Variants in TUBGCP6 observed in about 807,000 individuals in gnomAD.
TUBGCP6 encodes the protein gamma-tubulin complex component 6.
In TUBGCP6, 161 loss-of-function variants were observed where a neutral mutation model predicts 175.8. That is an observed-to-expected ratio of 0.92 (90% CI 0.81 to 1.04). TUBGCP6 has a LOEUF of 1.04. Among genes scored for constraint, TUBGCP6 ranks in the 50% least tolerant of loss-of-function variants. TUBGCP6 has a pLI of 0.00. For missense variants in TUBGCP6, 2,572 were observed against 2,433.0 expected (o/e 1.06, Z -1.20); for synonymous variants, 1,173 against 1,030.5 (o/e 1.14, Z -2.65).
Position 50,219,414 on chromosome 22 carries a change from C to G in TUBGCP6, c.4358G>C (p.Arg1453Pro), listed in dbSNP as rs780470323. Residue 1453 changes from arginine (R) to proline (P), a missense_variant, in exon 19 of 25, where the codon CGG (arginine) becomes CCG (proline). Arg to Pro is a moderately radical substitution (Grantham distance 103). Coordinates refer to ENST00000248846, the MANE Select transcript of TUBGCP6 (RefSeq NM_020461.4). ...IAHLLRPVLP[R>P]AFAFPVDPQV... ...GGGGTCCACGGGGAAGGCGAAGGCCCGGGGAAGCACGGGGCGCAAAAGATG... is the reference window on the plus strand; with the variant it reads ...GGGGTCCACGGGGAAGGCGAAGGCCGGGGGAAGCACGGGGCGCAAAAGATG... 1 of 1,567,958 alleles carries G rather than the reference C, an allele frequency of 6.4e-7. No homozygotes were observed. The highest frequency in any genetic ancestry group is 2.4e-5 in the East Asian group (1 of 42,488).
rs1569129484 is a variant in TUBGCP6 at position 50,243,788 on chromosome 22, A to AT, written c.671dup (p.Tyr224Ter). The AT allele has an allele frequency of 6.2e-7, 1 of 1,613,570 alleles. No homozygotes were observed. The highest frequency in any genetic ancestry group is 1.7e-5 in the Admixed American group (1 of 60,002). ...LFGALVHSRT[Y>*]DMDVRLGLPP... is the part of the protein sequence containing the mutation. ...GCAGGCCCAGTCGGACGTCCATGTC[A>AT]TAAGTGCGGCTGTGCACAAGGGCCC... Residue 224 changes from tyrosine (Y) to a stop codon, truncating the protein, a stop_gained and frameshift_variant, in exon 1 of 25, where the codon TAT (tyrosine) becomes TAAT (stop). Coordinates refer to ENST00000248846, the MANE Select transcript of TUBGCP6 (RefSeq NM_020461.4). LOFTEE classifies it high-confidence loss of function.
chr22:50,240,604 C>T (rs913487881), intron 1 of TUBGCP6, among the ~76,000 whole-genome samples: 1 of 152,218 alleles, frequency 6.6e-6, no homozygotes, highest in Non-Finnish European at 1.5e-5. Context: ...CTCAGTGGAA[C>T]TTAGAGTGAA....
At chr22:50,239,399 A>T (rs1431860652) in intron 2 of TUBGCP6, among the ~76,000 whole-genome samples, 2 of 152,130 alleles carry the variant, frequency 1.3e-5, no homozygotes. Flanking sequence ...CCAGTCTCAA[A>T]ATCCTGACTT....
chr22:50,242,318 AT>A (rs1231476237), intron 1 of TUBGCP6, among the ~76,000 whole-genome samples: 1 of 151,864 alleles, frequency 6.6e-6, no homozygotes, highest in African/African-American at 2.4e-5. Flanking sequence ...AAATAAAAAA[AT>A]AAAAATACAA....
chr22:50,244,964 T>C lies in TUBGCP6; in HGVS notation c.-505A>G. 4.5e-6 allele frequency: 1 copy of C among 220,644 alleles called. No individual in the cohort carries two copies. Among genetic ancestry groups the C allele is most frequent in the Non-Finnish European group, 9.1e-6 (1 of 109,806 alleles). 13.7% of individuals were successfully genotyped at this position (220,644 alleles called of 1,614,324 possible). ...CCACCCGTTCTCCAGGCCTCACCCGTGGAAAGTGCCCACGGCTGCCGCTCT... is the reference window on the plus strand; with the variant it reads ...CCACCCGTTCTCCAGGCCTCACCCGCGGAAAGTGCCCACGGCTGCCGCTCT... On this transcript the variant is annotated 5_prime_UTR_variant, in exon 1 of 25. Transcript: ENST00000248846.
intron 2 of TUBGCP6, among the ~76,000 whole-genome samples, chr22:50,234,270 C>G (rs2064732872): frequency 6.8e-6 from 1 of 146,752 alleles, no homozygotes; most frequent in Non-Finnish European, 1.5e-5. Context: ...ATCACCCACA[C>G]CCCTGTCCAT....
In TUBGCP6 at chr22:50,219,979, G is replaced by A. The variant is rs933853692; in HGVS notation, c.4145C>T (p.Pro1382Leu). 39 of 1,613,920 alleles carry A rather than the reference G, an allele frequency of 2.4e-5. No homozygotes were observed. Among genetic ancestry groups the A allele is most frequent in the Non-Finnish European group, 3.1e-5 (37 of 1,179,980 alleles). ...GRSGDTEDLS[P>L]NWPLNSQEDT... ...AACCTGTGAGTTGAGAGGCCAATTT[G>A]GAGAGAGGTCCTCAGTGTCCCCGCT... is the stretch of plus-strand genomic sequence containing the variant. Residue 1382 changes from proline to leucine, a missense_variant, in exon 17 of 25, where the codon CCA becomes CTA. By Grantham distance (98) the Pro-to-Leu change is moderately conservative. Transcript: ENST00000248846.
intron 23 of TUBGCP6, 34 bp downstream of exon 23, chr22:50,218,155 G>A (rs555521706): frequency 1.9e-6 from 3 of 1,609,894 alleles, no homozygotes; most frequent in African/African-American, 2.7e-5. Flanking sequence ...GCTGAGCCGT[G>A]ACCACAGGGA....
rs1901785339 is a variant in TUBGCP6 at position 50,226,158 on chromosome 22, G to A, written c.1725C>T (p.Leu575=). ...DKLYWTHGYV[L]ISKEVEDCVP... ...CACAGTCCTCCACCTCTTTGGAGAT[G>A]AGCACGTAGCCATGTGTCCAGTACA... The change falls in exon 9 of 25, where the codon CTC becomes CTT. Residue 575 remains leucine, a synonymous_variant. Coordinates refer to ENST00000248846, the MANE Select transcript of TUBGCP6 (RefSeq NM_020461.4). 2 of 1,614,182 alleles carry A rather than the reference G, an allele frequency of 1.2e-6. No homozygotes were observed. The highest frequency in any genetic ancestry group is 1.7e-6 in the Non-Finnish European group (2 of 1,180,048).
At chr22:50,240,487 C>A in intron 1 of TUBGCP6, 120 bp from the exon 2 acceptor site, 1 of 1,212,678 alleles carries the variant, frequency 8.2e-7, no homozygotes. Flanking sequence ...CTGTTTTTCT[C>A]AAGCGCATGT....
In TUBGCP6 at chr22:50,219,633, G is replaced by A. The variant is rs2064481967; in HGVS notation, c.4315+11C>T. On this transcript the variant is annotated intron_variant, in intron 18 of 24. Coordinates refer to ENST00000248846, the MANE Select transcript of TUBGCP6 (RefSeq NM_020461.4). ...CCAGGGCTCCCTGCCAACAGCAACT[G>A]CTGCACTCACACATGGACTCGTAAC... is the stretch of plus-strand genomic sequence containing the variant. The A allele has an allele frequency of 6.2e-7, 1 of 1,612,378 alleles. No individual in the cohort carries two copies. The highest frequency in any genetic ancestry group is 8.5e-7 in the Non-Finnish European group (1 of 1,179,034).
chr22:50,224,630 G>A (rs773054632), intron 10 of TUBGCP6, 38 bp from the exon 11 acceptor site: 2 of 1,605,064 alleles, frequency 1.2e-6, no homozygotes, highest in Admixed American at 3.3e-5. Flanking sequence ...ATCCTGGCCG[G>A]GCGCAGTGGC....
At chr22:50,232,599 C>T (rs2064708540) in intron 3 of TUBGCP6, among the ~76,000 whole-genome samples, 1 of 151,958 alleles carries the variant, frequency 6.6e-6, no homozygotes, top group African/African-American at 2.4e-5. Flanking sequence ...CACAATAAGG[C>T]TATCCCCACA....
chr22:50,244,663 G>C lies in TUBGCP6; in HGVS notation c.-204C>G. ...GAGTAAACACGCCCTGCCCTCCCCA[G>C]TCCAAGCACGCTGCCCGGCGCCCGG... On this transcript the variant is annotated 5_prime_UTR_variant, in exon 1 of 25. Coordinates refer to ENST00000248846, the MANE Select transcript of TUBGCP6 (RefSeq NM_020461.4). 1.2e-6 allele frequency: 1 copy of C among 814,578 alleles called. No homozygotes were observed. Among genetic ancestry groups the C allele is most frequent in the Non-Finnish European group, 1.8e-6 (1 of 551,898 alleles). 50.5% of individuals were successfully genotyped at this position (814,578 alleles called of 1,614,324 possible). A position where few individuals can be genotyped will look rare whatever the true frequency, so the allele number is the denominator to read the frequency against.
intron 13 of TUBGCP6, 122 bp from the exon 14 acceptor site, chr22:50,222,714 C>A (rs892874397): frequency 8.5e-6 from 12 of 1,405,310 alleles, no homozygotes; most frequent in Non-Finnish European, 1.1e-5. Flanking sequence ...CCCCCGTCTC[C>A]CCCTACCAGG....
chr22:50,217,832 G>A lies in TUBGCP6; in HGVS notation c.5369-5C>T. 2 of 1,613,462 alleles carry A rather than the reference G, an allele frequency of 1.2e-6. No individual in the cohort carries two copies. Among genetic ancestry groups the A allele is most frequent in the Non-Finnish European group, 1.7e-6 (2 of 1,179,800 alleles). On this transcript the variant is annotated splice_region_variant and splice_polypyrimidine_tract_variant and intron_variant, in intron 24 of 24. Coordinates refer to ENST00000248846, the MANE Select transcript of TUBGCP6 (RefSeq NM_020461.4). ...GGTTCACCAGCTTGGTCACCACTGG[G>A]GACCAGCGAGCAGCTCAGGCTTTTG...
At chr22:50,237,283 G>A (rs1446648602) in intron 2 of TUBGCP6, among the ~76,000 whole-genome samples, 1 of 152,270 alleles carries the variant, frequency 6.6e-6, no homozygotes, top group Non-Finnish European at 1.5e-5. Context: ...GGAGAGTGGA[G>A]AAGGCTCAAT....
At chr22:50,240,503 A>G in intron 1 of TUBGCP6, 136 bp from the exon 2 acceptor site, 1 of 1,071,016 alleles carries the variant, frequency 9.3e-7, no homozygotes, top group Non-Finnish European at 1.3e-6. Context: ...CATGTGTACC[A>G]TACAATGTTT....
At chr22:50,226,865 G>A in intron 6 of TUBGCP6, 23 bp from the exon 7 acceptor site, 1 of 1,565,234 alleles carries the variant, frequency 6.4e-7, no homozygotes, top group Non-Finnish European at 8.7e-7. Context: ...AAGGGGGTGG[G>A]GGGCAGCTCA....
Sources: gnomAD v4.1 joint callset for allele counts (sites outside exome capture counted in the v4.1 genomes callset) on GRCh38, gnomAD v4.1.1 for gene constraint, MANE v1.5 for transcripts, NCBI Gene and HGNC (gene_info 2026-07-23, HGNC 2026-07-21) for gene names.